The following EBF2 variants were observed in gnomAD, a reference collection of about 807,000 sequenced individuals.
EBF2 encodes EBF transcription factor 2, also known as transcription factor COE2.
Under a neutral mutation model 72.8 loss-of-function variants are expected in EBF2, and 21 were observed. That is an observed-to-expected ratio of 0.29 (90% CI 0.20 to 0.42). EBF2 has a LOEUF of 0.42. Among genes scored for constraint, EBF2 ranks in the 10% least tolerant of loss-of-function variants. EBF2 has a pLI of 1.00. For missense variants in EBF2, 637 were observed against 731.2 expected (o/e 0.87, Z 1.49); for synonymous variants, 299 against 274.2 (o/e 1.09, Z -0.89).
intron 6 of EBF2, among the ~76,000 whole-genome samples, chr8:25,993,946 A>G (rs539571776): frequency 1.3e-5 from 2 of 152,316 alleles, no homozygotes; most frequent in Admixed American, 6.5e-5. Context: ...AGAGTTTTAC[A>G]GCCACTATTT....
intron 6 of EBF2, among the ~76,000 whole-genome samples, chr8:25,987,225 T>C (rs200652599): frequency 3.9e-5 from 6 of 152,240 alleles, no homozygotes; most frequent in African/African-American, 1.2e-4. Flanking sequence ...GATACATATA[T>C]GAACATCACA....
Position 25,850,670 on chromosome 8 carries a change from A to G in EBF2, c.1620T>C (p.Ser540=). The G allele has an allele frequency of 6.4e-7, 1 of 1,561,808 alleles. No individual in the cohort carries two copies. The highest frequency in any genetic ancestry group is 2.4e-5 in the East Asian group (1 of 41,464). ...GGGGCCTGATGACAGGGGCAAAGGC[A>G]CTCTTCTGTTTGACAGCAGGAAAAA... ...SSVFPAVKQK[S]AFAPVIRPQG... is the part of the protein sequence containing the mutation. The change falls in exon 15 of 16, where the codon AGT becomes AGC. Residue 540 remains serine, a synonymous_variant. Transcript: ENST00000520164.
chr8:25,850,747 G>A lies in EBF2; in HGVS notation c.1543C>T (p.Pro515Ser). 1 of 1,559,940 alleles carries A rather than the reference G, an allele frequency of 6.4e-7. No homozygotes were observed. The change falls in exon 15 of 16, where the codon CCC becomes TCC. Residue 515 changes from proline to serine, a missense_variant. By Grantham distance (74) the Pro-to-Ser change is moderately conservative (BLOSUM62 -1). This residue lies in a region of EBF2 where 259 missense variants were observed against 268.1 expected (regional missense o/e 0.97). Coordinates refer to ENST00000520164, the MANE Select transcript of EBF2 (RefSeq NM_022659.4). ...GSPYGIMSSS[P>S]TVGSSSTSSI... Reference sequence around the variant, plus strand: ...GATGTGCTGGAAGACCCAACGGTGGGACTTGATGACATGACTGGAAAGCAA... The same window carrying A: ...GATGTGCTGGAAGACCCAACGGTGGAACTTGATGACATGACTGGAAAGCAA...
intron 6 of EBF2, among the ~76,000 whole-genome samples, chr8:25,958,629 C>T (rs926727005): frequency 6.6e-6 from 1 of 152,212 alleles, no homozygotes; most frequent in Non-Finnish European, 1.5e-5. Context: ...TGGACCAACT[C>T]CAGCCCAGCT....
At chr8:26,035,390 T>C (rs1464949678) in intron 5 of EBF2, among the ~76,000 whole-genome samples, 2 of 152,164 alleles carry the variant, frequency 1.3e-5, no homozygotes, top group Admixed American at 6.5e-5. Flanking sequence ...GCTCAAGCCA[T>C]CTGCCCACAT....
intron 6 of EBF2, among the ~76,000 whole-genome samples, chr8:25,997,465 G>A (rs932773223): frequency 6.6e-6 from 1 of 151,848 alleles, no homozygotes; most frequent in Admixed American, 6.6e-5. Flanking sequence ...CAGATATTCA[G>A]GAGGCTGAGG....
intron 6 of EBF2, among the ~76,000 whole-genome samples, chr8:25,946,282 C>A (rs1803767319): frequency 6.6e-6 from 1 of 152,208 alleles, no homozygotes; most frequent in Non-Finnish European, 1.5e-5. Context: ...AAGGAGTGTG[C>A]ATGGGAAAGA....
intron 7 of EBF2, among the ~76,000 whole-genome samples, chr8:25,907,283 G>C (rs1467329137): frequency 6.6e-6 from 1 of 151,254 alleles, no homozygotes; most frequent in Non-Finnish European, 1.5e-5. Flanking sequence ...AGCAGGGCAT[G>C]ATGGTGCACA....
At chr8:26,018,935 A>T (rs1302160793) in intron 6 of EBF2, among the ~76,000 whole-genome samples, 1 of 110,540 alleles carries the variant, frequency 9.0e-6, no homozygotes, top group African/African-American at 3.0e-5. Flanking sequence ...TGGCAATAAA[A>T]AAAAAAAAAA....
intron 6 of EBF2, among the ~76,000 whole-genome samples, chr8:25,983,783 C>T (rs1804402941): frequency 1.3e-5 from 2 of 152,248 alleles, no homozygotes; most frequent in African/African-American, 4.8e-5. Flanking sequence ...TATGGATCAG[C>T]TGACACCCGA....
In EBF2 at chr8:25,850,521, T is replaced by C. The variant is rs557120195; in HGVS notation, c.1696+73A>G. Reference sequence around the variant, plus strand: ...CAGGTAAATGGCTGGAGCTATACAATGATGTGCTGTTTGCTCTTACTTTGC... The same window carrying C: ...CAGGTAAATGGCTGGAGCTATACAACGATGTGCTGTTTGCTCTTACTTTGC... On this transcript the variant is annotated intron_variant, in intron 15 of 15. Coordinates refer to ENST00000520164, the MANE Select transcript of EBF2 (RefSeq NM_022659.4). 17 of 1,436,308 alleles carry C rather than the reference T, an allele frequency of 1.2e-5. No homozygotes were observed. In the African/African-American group the frequency reaches 2.4e-4, roughly 20 times the overall value. The allele number at this position is 1,436,308 out of a possible 1,614,324, so 89.0% of individuals were successfully genotyped here.
intron 6 of EBF2, among the ~76,000 whole-genome samples, chr8:25,997,133 G>A (rs1234288867): frequency 6.6e-6 from 1 of 152,130 alleles, no homozygotes; most frequent in Non-Finnish European, 1.5e-5. Flanking sequence ...CAGGTGGTGT[G>A]GTGTGGTGTG....
intron 6 of EBF2, among the ~76,000 whole-genome samples, chr8:25,910,998 AT>A (rs542587882): frequency 2.0e-5 from 3 of 151,030 alleles, no homozygotes; most frequent in Admixed American, 6.6e-5. Flanking sequence ...TGACATCTCC[AT>A]TTTTTTTTCC....
At chr8:25,944,561 A>T (rs1209781565) in intron 6 of EBF2, among the ~76,000 whole-genome samples, 1 of 149,436 alleles carries the variant, frequency 6.7e-6, no homozygotes, top group Non-Finnish European at 1.5e-5. Flanking sequence ...ATACACAATT[A>T]TTTATATATT....
At chr8:25,963,312 C>T (rs1804063766) in intron 6 of EBF2, among the ~76,000 whole-genome samples, 1 of 152,150 alleles carries the variant, frequency 6.6e-6, no homozygotes, top group Admixed American at 6.5e-5. Flanking sequence ...ACCAGACAGC[C>T]CCATTTAGCT....
At chr8:25,890,409 G>A (rs909711519) in intron 7 of EBF2, among the ~76,000 whole-genome samples, 5 of 152,216 alleles carry the variant, frequency 3.3e-5, no homozygotes, top group Non-Finnish European at 5.9e-5. Flanking sequence ...AGATAAGGTT[G>A]CCATAATTCA....
At chr8:25,952,180 C>T (rs1803874578) in intron 6 of EBF2, among the ~76,000 whole-genome samples, 1 of 152,036 alleles carries the variant, frequency 6.6e-6, no homozygotes, top group South Asian at 2.1e-4. Context: ...ACTGCAGTCC[C>T]AACTACTCAG....
chr8:26,038,672 C>A (rs189162358), intron 5 of EBF2, among the ~76,000 whole-genome samples: 2 of 152,334 alleles, frequency 1.3e-5, no homozygotes, highest in East Asian at 3.9e-4. Flanking sequence ...CTGAACAAAT[C>A]TATCAAACGT....
chr8:26,040,828 C>T (rs1448688172), intron 3 of EBF2, 111 bp downstream of exon 3: 16 of 1,531,288 alleles, frequency 1.0e-5, no homozygotes, highest in Non-Finnish European at 1.4e-5. Flanking sequence ...GCAAGCCTCC[C>T]GCCGCCCTGG....
Sources: allele counts gnomAD v4.1 joint callset (sites outside exome capture counted in the v4.1 genomes callset), GRCh38; gene constraint gnomAD v4.1.1; regional missense constraint gnomAD v4.1.1; transcripts MANE v1.5; gene names NCBI Gene and HGNC (gene_info 2026-07-23, HGNC 2026-07-21).